Variants in GARIN2 observed in about 807,000 individuals in gnomAD.
The protein encoded by GARIN2 is Golgi-associated RAB2 interactor protein 2.
At chr14:67,201,490 ATATTCATCTCATCC>A in the GARIN2 span, 1 of 455,974 alleles carries the variant, frequency 2.2e-6, no homozygotes. Flanking sequence ...GCAGTAGAAG[ATATTCATCTCATCC>A]TGGTGGCTCT....
chr14:67,200,576 T>A, the GARIN2 span: 1 of 226,516 alleles, frequency 4.4e-6, no homozygotes, highest in Non-Finnish European at 8.4e-6. Context: ...GGAGACTTCA[T>A]CTTCCATTAA....
At chr14:67,198,161 A>C in the GARIN2 span, 1 of 1,608,124 alleles carries the variant, frequency 6.2e-7, no homozygotes, top group South Asian at 1.1e-5. Context: ...GTGCAAGCGC[A>C]ATGAAGAAGA....
the GARIN2 span, among the ~76,000 whole-genome samples, chr14:67,191,667 C>T: frequency 3.9e-5 from 6 of 152,296 alleles, no homozygotes; most frequent in East Asian, 3.9e-4. Context: ...CCTAATGGAG[C>T]CTTGATCATC....
chr14:67,201,730 A>T, the GARIN2 span: 1 of 342,196 alleles, frequency 2.9e-6, no homozygotes, highest in Non-Finnish European at 5.8e-6. Flanking sequence ...AATCCAGAAG[A>T]AGAGGGGCAC....
chr14:67,204,995 C>T, the GARIN2 span: 120 of 1,565,720 alleles, frequency 7.7e-5, no homozygotes, highest in East Asian at 1.9e-4. Context: ...AGAGAAGCCA[C>T]GGAAGTCACA....
the GARIN2 span, among the ~76,000 whole-genome samples, chr14:67,225,995 T>C: frequency 6.8e-6 from 1 of 146,764 alleles, no homozygotes; most frequent in African/African-American, 2.5e-5. Flanking sequence ...GCGTGCATGC[T>C]CATAAGGGCT....
chr14:67,211,457 TTAAA>T, the GARIN2 span, among the ~76,000 whole-genome samples: 1 of 152,144 alleles, frequency 6.6e-6, no homozygotes, highest in Non-Finnish European at 1.5e-5. Context: ...ACAAAACTGA[TTAAA>T]TATTTTTAAT....
the GARIN2 span, chr14:67,223,642 C>T: frequency 1.3e-6 from 1 of 783,220 alleles, no homozygotes; most frequent in African/African-American, 1.9e-5. Context: ...ACAAAATGGG[C>T]ATGTCGTTTT....
chr14:67,208,121 TG>T, the GARIN2 span: 2 of 1,555,152 alleles, frequency 1.3e-6, no homozygotes, highest in South Asian at 2.5e-5. Flanking sequence ...AAATGGTGCC[TG>T]TATTCGATAC....
the GARIN2 span, among the ~76,000 whole-genome samples, chr14:67,206,892 G>C: frequency 6.6e-6 from 1 of 151,976 alleles, no homozygotes; most frequent in Non-Finnish European, 1.5e-5. Flanking sequence ...CACACGCCCA[G>C]TTAATTTTTG....
the GARIN2 span, among the ~76,000 whole-genome samples, chr14:67,201,953 A>G: frequency 3.3e-5 from 5 of 152,080 alleles, no homozygotes; most frequent in Non-Finnish European, 7.4e-5. Context: ...GTTTTTATAC[A>G]TGCTGTTCCT....
the GARIN2 span, among the ~76,000 whole-genome samples, chr14:67,210,981 T>C: frequency 6.6e-6 from 1 of 152,068 alleles, no homozygotes; most frequent in Non-Finnish European, 1.5e-5. Flanking sequence ...GCCTGGGTGA[T>C]GGAGTGACAC....
the GARIN2 span, among the ~76,000 whole-genome samples, chr14:67,195,739 G>A: frequency 6.6e-6 from 1 of 151,752 alleles, no homozygotes; most frequent in Non-Finnish European, 1.5e-5. Flanking sequence ...GTGTGTGTGT[G>A]TGTGTGTGTG....
chr14:67,228,173 A>G, the GARIN2 span, among the ~76,000 whole-genome samples: 4 of 151,748 alleles, frequency 2.6e-5, no homozygotes, highest in South Asian at 8.3e-4. Context: ...TTGTCTCAAA[A>G]AAAAAAAAAA....
the GARIN2 span, among the ~76,000 whole-genome samples, chr14:67,222,839 G>A: frequency 6.6e-6 from 1 of 151,752 alleles, no homozygotes; most frequent in Admixed American, 6.6e-5. Flanking sequence ...CATTTAACTT[G>A]GCATAAGTGA....
chr14:67,193,616 G>T, the GARIN2 span, among the ~76,000 whole-genome samples: 1 of 144,918 alleles, frequency 6.9e-6, no homozygotes, highest in African/African-American at 2.5e-5. Flanking sequence ...TATATAGATA[G>T]AAATATATCT....
At chr14:67,204,713 C>G in the GARIN2 span, 6 of 1,613,912 alleles carry the variant, frequency 3.7e-6, no homozygotes, top group Non-Finnish European at 5.1e-6. Flanking sequence ...CAGGAGAAAG[C>G]CAAAGTTTCC....
At chr14:67,225,147 A>T in the GARIN2 span, 2 of 1,585,132 alleles carry the variant, frequency 1.3e-6, no homozygotes, top group South Asian at 2.3e-5. Context: ...ATCTCCTTCT[A>T]ATTTCCTCAA....
chr14:67,191,325 A>G, the GARIN2 span, among the ~76,000 whole-genome samples: 2 of 152,258 alleles, frequency 1.3e-5, no homozygotes, highest in East Asian at 3.8e-4. Context: ...AAATCTTTCA[A>G]CTTTGCCAGA....
Sources: gnomAD v4.1 joint callset for allele counts (sites outside exome capture counted in the v4.1 genomes callset) on GRCh38, gnomAD v4.1.1 for gene constraint, MANE v1.5 for transcripts, NCBI Gene and HGNC (gene_info 2026-07-23, HGNC 2026-07-21) for gene names.